PHACTR1: variants seen among roughly 807,000 people sequenced by gnomAD.
PHACTR1 encodes the protein RPEL repeat containing 1.
PHACTR1 carries 16 observed loss-of-function variants against 69.2 expected under a neutral mutation model. The ratio of observed to expected loss-of-function variants is 0.23; its 90% CI spans 0.16 to 0.35. PHACTR1 has a LOEUF of 0.35. PHACTR1 is among the 10% of genes least tolerant of loss of function. PHACTR1 has a pLI of 1.00. For synonymous variants in PHACTR1, 312 were observed against 284.5 expected, an observed-to-expected ratio of 1.10 and a Z score of -0.97; for missense variants, 510 against 734.7, an observed-to-expected ratio of 0.69 and a Z score of 3.54.
At chr6:12,861,149 T>C (rs909287551) in intron 4 of PHACTR1, among the ~76,000 whole-genome samples, 1 of 152,218 alleles carries the variant, frequency 6.6e-6, no homozygotes, top group Admixed American at 6.5e-5. Context: ...TGTGTTGACA[T>C]TTAATAGAGA....
At chr6:12,930,546 G>A (rs9472998) in intron 4 of PHACTR1, among the ~76,000 whole-genome samples, 4,203 of 152,230 alleles carry the variant, frequency 0.028, 186 homozygotes, top group African/African-American at 0.095. Flanking sequence ...GAAAGTCATC[G>A]CATCTTATCC....
chr6:12,743,377 A>G (rs981570632), intron 3 of PHACTR1, among the ~76,000 whole-genome samples: 1 of 152,190 alleles, frequency 6.6e-6, no homozygotes, highest in African/African-American at 2.4e-5. Context: ...TTATTTGTAT[A>G]AAGTGCAGCA....
intron 12 of PHACTR1, 90 bp downstream of exon 12, chr6:13,278,419 G>A: frequency 7.1e-6 from 8 of 1,129,680 alleles, no homozygotes; most frequent in South Asian, 1.4e-5. Flanking sequence ...TGGCCTCACC[G>A]CTGCCTGGTT....
chr6:12,919,801 A>C (rs1250499462), intron 4 of PHACTR1, among the ~76,000 whole-genome samples: 2 of 152,124 alleles, frequency 1.3e-5, no homozygotes, highest in Non-Finnish European at 2.9e-5. Flanking sequence ...GGAGAGAGAG[A>C]GCCCTACATC....
intron 5 of PHACTR1, among the ~76,000 whole-genome samples, chr6:13,059,372 A>G (rs1220800648): frequency 1.3e-5 from 2 of 152,164 alleles, no homozygotes; most frequent in Non-Finnish European, 2.9e-5. Context: ...CTAGAGATCT[A>G]CTGTATAATA....
intron 4 of PHACTR1, among the ~76,000 whole-genome samples, chr6:12,862,742 C>A (rs1781067598): frequency 6.6e-6 from 1 of 152,152 alleles, no homozygotes. Flanking sequence ...GATGTGTGTG[C>A]ACATCTGAGA....
chr6:12,951,270 C>T (rs1791260407), intron 4 of PHACTR1, among the ~76,000 whole-genome samples: 1 of 152,186 alleles, frequency 6.6e-6, no homozygotes, highest in Admixed American at 6.5e-5. Context: ...AATCCTTTGA[C>T]CTCATACCTT....
chr6:12,783,457 C>T (rs1771083324), intron 4 of PHACTR1, among the ~76,000 whole-genome samples: 1 of 152,074 alleles, frequency 6.6e-6, no homozygotes, highest in African/African-American at 2.4e-5. Context: ...TTGTGCATAG[C>T]AATACATGGG....
At chr6:12,916,868 G>C (rs1299149827) in intron 4 of PHACTR1, among the ~76,000 whole-genome samples, 2 of 152,128 alleles carry the variant, frequency 1.3e-5, no homozygotes. Context: ...AGGAGAATTG[G>C]ATATTTCTGG....
At chr6:12,935,425 G>A (rs1789337516) in intron 4 of PHACTR1, among the ~76,000 whole-genome samples, 1 of 151,870 alleles carries the variant, frequency 6.6e-6, no homozygotes, top group African/African-American at 2.4e-5. Flanking sequence ...TGTATTTTTA[G>A]TAGAAATGGG....
At chr6:13,253,759 C>T (rs1774815126) in intron 10 of PHACTR1, among the ~76,000 whole-genome samples, 1 of 152,230 alleles carries the variant, frequency 6.6e-6, no homozygotes, top group Non-Finnish European at 1.5e-5. Context: ...CACCAGCAGT[C>T]TCCTTTCCTG....
chr6:12,811,704 C>T (rs775869789), intron 4 of PHACTR1, among the ~76,000 whole-genome samples: 15 of 152,200 alleles, frequency 9.9e-5, no homozygotes, highest in Non-Finnish European at 8.8e-5. Flanking sequence ...CTACCCCACA[C>T]GGATCACCCT....
chr6:12,994,697 A>G (rs187097911), intron 4 of PHACTR1, among the ~76,000 whole-genome samples: 1 of 152,294 alleles, frequency 6.6e-6, no homozygotes. Context: ...TATACAGTTA[A>G]TAGTATTGTA....
chr6:13,112,787 T>A (rs1183729325), intron 5 of PHACTR1, among the ~76,000 whole-genome samples: 1 of 152,206 alleles, frequency 6.6e-6, no homozygotes, highest in African/African-American at 2.4e-5. Flanking sequence ...CTTTGTCAGA[T>A]GCATAGTTGC....
At chr6:13,050,247 T>A (rs1234697444) in intron 4 of PHACTR1, among the ~76,000 whole-genome samples, 3 of 152,252 alleles carry the variant, frequency 2.0e-5, no homozygotes, top group Admixed American at 6.5e-5. Context: ...TCTTTTTTTA[T>A]TCCTTGTCGT....
At chr6:13,161,852 C>G (rs184775108) in intron 6 of PHACTR1, among the ~76,000 whole-genome samples, 348 of 152,274 alleles carry the variant, frequency 2.3e-3, no homozygotes, top group African/African-American at 7.9e-3. Context: ...GCCCTGGTGG[C>G]AAGGCATAAT....
chr6:13,284,912 G>A (rs1037729403), intron 13 of PHACTR1, among the ~76,000 whole-genome samples: 1 of 152,124 alleles, frequency 6.6e-6, no homozygotes, highest in African/African-American at 2.4e-5. Context: ...GGAAGACTGT[G>A]CCCTCCTCTG....
At chr6:13,183,048 C>T (rs1041177881) in intron 7 of PHACTR1, among the ~76,000 whole-genome samples, 6 of 152,080 alleles carry the variant, frequency 3.9e-5, no homozygotes, top group African/African-American at 1.2e-4. Context: ...CTATCTAATT[C>T]GTCTGTCTGA....
intron 5 of PHACTR1, among the ~76,000 whole-genome samples, chr6:13,130,649 G>A (rs1364474545): frequency 6.6e-6 from 1 of 152,110 alleles, no homozygotes; most frequent in East Asian, 1.9e-4. Context: ...CAAGCAGTGA[G>A]ATTGAAAAAG....
Sources: allele counts gnomAD v4.1 joint callset (sites outside exome capture counted in the v4.1 genomes callset), GRCh38; gene constraint gnomAD v4.1.1; transcripts MANE v1.5; gene names NCBI Gene and HGNC (gene_info 2026-07-23, HGNC 2026-07-21).